The following SHISA6 variants were observed in gnomAD, a reference collection of about 807,000 sequenced individuals.
SHISA6 encodes the protein shisa family member 6.
Under a neutral mutation model 47.9 loss-of-function variants are expected in SHISA6, and 22 were observed. That is an observed-to-expected ratio of 0.46 (90% CI 0.33 to 0.66). The LOEUF (loss-of-function observed/expected upper bound fraction) is 0.66. Among genes scored for constraint, SHISA6 ranks in the 30% least tolerant of loss-of-function variants. The pLI is 0.02. For missense variants in SHISA6, 680 were observed against 764.6 expected (o/e 0.89, Z 1.30); for synonymous variants, 388 against 337.8 (o/e 1.15, Z -1.63).
chr17:11,516,371 G>A (rs2071585672), intron 3 of SHISA6, among the ~76,000 whole-genome samples: 3 of 152,176 alleles, frequency 2.0e-5, no homozygotes, highest in Admixed American at 2.0e-4. Flanking sequence ...TAGTCCTGCT[G>A]CTCACCAGAG....
At chr17:11,327,897 G>A (rs1173197822) in intron 2 of SHISA6, among the ~76,000 whole-genome samples, 1 of 151,984 alleles carries the variant, frequency 6.6e-6, no homozygotes, top group African/African-American at 2.4e-5. Context: ...TCCCCATTCA[G>A]AAGCATTTTC....
intron 3 of SHISA6, among the ~76,000 whole-genome samples, chr17:11,415,132 G>A (rs1914245400): frequency 6.6e-6 from 1 of 151,666 alleles, no homozygotes; most frequent in African/African-American, 2.4e-5. Flanking sequence ...ATGATCCAAA[G>A]TTCATAAGAT....
At chr17:11,508,892 G>T (rs1420389526) in intron 3 of SHISA6, among the ~76,000 whole-genome samples, 1 of 106,248 alleles carries the variant, frequency 9.4e-6, no homozygotes, top group Non-Finnish European at 2.1e-5. Flanking sequence ...TGCAAGTTGT[G>T]ATGGGGGCCA....
chr17:11,314,717 T>C (rs1017282816), intron 2 of SHISA6, among the ~76,000 whole-genome samples: 1 of 151,966 alleles, frequency 6.6e-6, no homozygotes, highest in African/African-American at 2.4e-5. Context: ...GTTTTTTATT[T>C]TTAGTAGAGA....
chr17:11,331,581 T>C (rs917804279), intron 2 of SHISA6, among the ~76,000 whole-genome samples: 1 of 152,184 alleles, frequency 6.6e-6, no homozygotes, highest in Admixed American at 6.5e-5. Context: ...CGAGATGGCA[T>C]GCATTAAACC....
At chr17:11,356,457 G>T (rs544955085) in intron 2 of SHISA6, among the ~76,000 whole-genome samples, 1 of 152,180 alleles carries the variant, frequency 6.6e-6, no homozygotes, top group African/African-American at 2.4e-5. Context: ...TTCCCTCTAC[G>T]CACTTTGGCT....
intron 2 of SHISA6, among the ~76,000 whole-genome samples, chr17:11,356,456 C>T (rs142881812): frequency 1.2e-4 from 18 of 152,338 alleles, no homozygotes; most frequent in African/African-American, 3.4e-4. Context: ...GTTCCCTCTA[C>T]GCACTTTGGC....
chr17:11,419,796 T>G (rs923091022), intron 3 of SHISA6, among the ~76,000 whole-genome samples: 1 of 152,194 alleles, frequency 6.6e-6, no homozygotes, highest in Non-Finnish European at 1.5e-5. Context: ...CACCACCTTT[T>G]CCCTGGATGA....
At chr17:11,303,901 T>A (rs183537180) in intron 2 of SHISA6, among the ~76,000 whole-genome samples, 208 of 152,066 alleles carry the variant, frequency 1.4e-3, no homozygotes, top group African/African-American at 4.5e-3. Context: ...GGGCCTGAGG[T>A]GGGTACAGCA....
At chr17:11,303,809 A>T (rs910195331) in intron 2 of SHISA6, among the ~76,000 whole-genome samples, 1 of 152,126 alleles carries the variant, frequency 6.6e-6, no homozygotes, top group Non-Finnish European at 1.5e-5. Context: ...TCCTCAGAGG[A>T]GTGTGCTGAG....
intron 2 of SHISA6, among the ~76,000 whole-genome samples, chr17:11,362,097 C>T (rs988181925): frequency 1.3e-5 from 2 of 152,154 alleles, no homozygotes; most frequent in Non-Finnish European, 2.9e-5. Flanking sequence ...TGCACTTTCT[C>T]ATCATTAAGA....
chr17:11,382,287 C>T (rs943037993), intron 3 of SHISA6, among the ~76,000 whole-genome samples: 1 of 152,088 alleles, frequency 6.6e-6, no homozygotes, highest in Non-Finnish European at 1.5e-5. Context: ...CTATGTTGCC[C>T]AGGCTGGTCT....
intron 3 of SHISA6, among the ~76,000 whole-genome samples, chr17:11,406,422 C>T (rs1168212005): frequency 2.0e-5 from 3 of 152,226 alleles, no homozygotes; most frequent in African/African-American, 7.2e-5. Flanking sequence ...AATATCCTAA[C>T]TCACCCTGCG....
At chr17:11,412,352 G>GTGCCATT (rs1914145781) in intron 3 of SHISA6, among the ~76,000 whole-genome samples, 2 of 152,068 alleles carry the variant, frequency 1.3e-5, no homozygotes. Context: ...ATGGCACAGT[G>GTGCCATT]TTACATACTC....
chr17:11,553,854 A>G (rs538669882), intron 4 of SHISA6, among the ~76,000 whole-genome samples: 3 of 152,332 alleles, frequency 2.0e-5, no homozygotes, highest in African/African-American at 4.8e-5. Flanking sequence ...GGCTTAAAGA[A>G]CAGATATTGT....
At chr17:11,349,409 C>T (rs1352374532) in intron 2 of SHISA6, among the ~76,000 whole-genome samples, 1 of 152,204 alleles carries the variant, frequency 6.6e-6, no homozygotes, top group South Asian at 2.1e-4. Flanking sequence ...GTAAATACAT[C>T]AGCCTAGGAT....
chr17:11,495,993 T>TCATCCATCCATC lies in SHISA6; in HGVS notation c.896-55874_896-55863dup, dbSNP rs10642001. Among the ~76,000 whole-genome samples the TCATCCATCCATC allele has an allele frequency of 8.0e-3, 1,195 of 148,842 alleles. 4 individuals carry two copies. The highest frequency in any genetic ancestry group is 9.9e-3 in the Non-Finnish European group (668 of 67,248). On this transcript the variant is annotated intron_variant, in intron 3 of 5. Coordinates refer to ENST00000441885, the MANE Select transcript of SHISA6 (RefSeq NM_207386.4). Reference sequence around the variant, plus strand: ...CTGGCCCATCCTTCTATTTATCCATTCATCCATCCATCCATCCATCCATCC... The same window carrying TCATCCATCCATC: ...CTGGCCCATCCTTCTATTTATCCATTCATCCATCCATCCATCCATCCATCCATCCATCCATCC...
At chr17:11,449,478 A>T (rs1915325567) in intron 3 of SHISA6, among the ~76,000 whole-genome samples, 1 of 152,120 alleles carries the variant, frequency 6.6e-6, no homozygotes, top group African/African-American at 2.4e-5. Context: ...AAAGAAAAAA[A>T]TTGAGGCTTG....
intron 2 of SHISA6, among the ~76,000 whole-genome samples, chr17:11,326,856 A>C (rs1018522179): frequency 6.6e-6 from 1 of 152,228 alleles, no homozygotes; most frequent in East Asian, 1.9e-4. Context: ...GTCCCCTCTC[A>C]AGGAGAAATC....
Sources: allele counts gnomAD v4.1 joint callset (sites outside exome capture counted in the v4.1 genomes callset), GRCh38; gene constraint gnomAD v4.1.1; transcripts MANE v1.5; gene names NCBI Gene and HGNC (gene_info 2026-07-23, HGNC 2026-07-21).